LNX2: variants seen among roughly 807,000 people sequenced by gnomAD.
LNX2 encodes the protein ligand of Numb protein X 2.
In LNX2, 35 loss-of-function variants were observed where a neutral mutation model predicts 66.2. The observed-to-expected ratio is 0.53, with a 90% CI of 0.40 to 0.70. LNX2 has a LOEUF of 0.70. Among genes scored for constraint, LNX2 ranks in the 30% least tolerant of loss-of-function variants. LNX2 has a pLI of 0.00. For missense variants in LNX2, 791 were observed against 850.8 expected (o/e 0.93, Z 0.87); for synonymous variants, 337 against 315.6 (o/e 1.07, Z -0.72).
intron 1 of LNX2, among the ~76,000 whole-genome samples, chr13:27,597,243 C>A (rs1429499155): frequency 2.6e-5 from 4 of 152,106 alleles, no homozygotes; most frequent in Non-Finnish European, 5.9e-5. Flanking sequence ...ATAAGTCCTG[C>A]TATGACATAT....
At chr13:27,568,897 T>C in intron 3 of LNX2, 132 bp downstream of exon 3, 3 of 928,658 alleles carry the variant, frequency 3.2e-6, no homozygotes, top group Non-Finnish European at 4.6e-6. Flanking sequence ...TATATCTCAA[T>C]GAAGTTTCTT....
intron 4 of LNX2, among the ~76,000 whole-genome samples, chr13:27,565,236 A>C (rs543239716): frequency 3.0e-4 from 46 of 152,358 alleles, no homozygotes; most frequent in African/African-American, 1.1e-3. Context: ...AATAGAAACA[A>C]GCCCACTGAT....
At chr13:27,581,145 C>T (rs1049524160) in intron 2 of LNX2, 152 bp downstream of exon 2, 7 of 521,500 alleles carry the variant, frequency 1.3e-5, no homozygotes, top group African/African-American at 9.6e-5. Context: ...AAATACTGTT[C>T]CATACAACTT....
intron 1 of LNX2, among the ~76,000 whole-genome samples, chr13:27,590,051 G>A (rs1018382442): frequency 6.6e-6 from 1 of 151,892 alleles, no homozygotes; most frequent in South Asian, 2.1e-4. Flanking sequence ...CCGGGTTCAT[G>A]CCATTCTCCT....
At chr13:27,556,112 G>T in intron 7 of LNX2, 124 bp downstream of exon 7, 3 of 890,298 alleles carry the variant, frequency 3.4e-6, no homozygotes, top group Non-Finnish European at 5.0e-6. Flanking sequence ...CATATGCAAG[G>T]GACAGTTTAA....
intron 1 of LNX2, among the ~76,000 whole-genome samples, chr13:27,595,736 C>A (rs1010710507): frequency 2.0e-5 from 3 of 152,128 alleles, no homozygotes; most frequent in African/African-American, 7.2e-5. Flanking sequence ...TCATCTAAAC[C>A]ATTCAAATCT....
chr13:27,596,486 C>G (rs368655505), intron 1 of LNX2, among the ~76,000 whole-genome samples: 3 of 152,146 alleles, frequency 2.0e-5, no homozygotes, highest in Non-Finnish European at 2.9e-5. Context: ...AGATGGTGAA[C>G]AGGAAAGGAT....
intron 2 of LNX2, among the ~76,000 whole-genome samples, chr13:27,578,094 GTAGGAGA>G (rs1242725556): frequency 6.6e-6 from 1 of 152,130 alleles, no homozygotes; most frequent in Non-Finnish European, 1.5e-5. Flanking sequence ...TATTTTATCT[GTAGGAGA>G]AAAATGTTTG....
In LNX2 at chr13:27,562,396, A is replaced by G. The variant is rs773214600; in HGVS notation, c.1224+17T>C. On this transcript the variant is annotated intron_variant, in intron 5 of 9. Coordinates refer to ENST00000316334, the MANE Select transcript of LNX2 (RefSeq NM_153371.4). ...CATTTCGGCCAAGCCTTTGGAATGA[A>G]GGCCAAGAGGGTTTACCTGAATAAT... The G allele has an allele frequency of 2.5e-6, 4 of 1,593,880 alleles. No individual in the cohort carries two copies. The highest frequency in any genetic ancestry group is 3.6e-5 in the Admixed American group (2 of 56,266).
intron 3 of LNX2, among the ~76,000 whole-genome samples, chr13:27,568,470 A>G (rs539100618): frequency 1.1e-4 from 17 of 152,304 alleles, no homozygotes; most frequent in African/African-American, 2.4e-4. Flanking sequence ...CCAGAGGTGT[A>G]TAACGGTGAG....
intron 1 of LNX2, among the ~76,000 whole-genome samples, chr13:27,618,949 G>A (rs1202918483): frequency 6.6e-6 from 1 of 152,182 alleles, no homozygotes; most frequent in African/African-American, 2.4e-5. Flanking sequence ...ATTACTTCAG[G>A]GTAACTAGTG....
chr13:27,566,845 T>C (rs1297862324), intron 4 of LNX2, among the ~76,000 whole-genome samples: 5 of 152,112 alleles, frequency 3.3e-5, no homozygotes. Flanking sequence ...CTCCTAGAAG[T>C]TATCCGTTTT....
chr13:27,553,728 C>T (rs1025854690), intron 7 of LNX2, among the ~76,000 whole-genome samples: 1 of 152,146 alleles, frequency 6.6e-6, no homozygotes, highest in Non-Finnish European at 1.5e-5. Context: ...CTGAGTTTAG[C>T]TGTGTACAGG....
chr13:27,573,917 T>C (rs1233304609), intron 2 of LNX2, among the ~76,000 whole-genome samples: 1 of 118,536 alleles, frequency 8.4e-6, no homozygotes, highest in Non-Finnish European at 1.7e-5. Flanking sequence ...GTACAGCCCA[T>C]TCACAGGAAA....
At chr13:27,571,816 T>G (rs1405285799) in intron 2 of LNX2, among the ~76,000 whole-genome samples, 3 of 152,160 alleles carry the variant, frequency 2.0e-5, no homozygotes, top group Non-Finnish European at 4.4e-5. Context: ...CTGCAAATAC[T>G]TGGAACTGAA....
chr13:27,581,302 T>C lies in LNX2; in HGVS notation c.402A>G (p.Lys134=). Residue 134 remains lysine, a synonymous_variant, in exon 2 of 10, where the codon AAA becomes AAG. Transcript: ENST00000316334. ...CTTTTATATTTTTTGCTTACCTGTT[T>C]TTGAGATGTGCCTCCAGATCACAAC... ...MQRCDLEAHL[K]NRCPGASHRR... 1 of 1,477,558 alleles carries C rather than the reference T, an allele frequency of 6.8e-7. No individual in the cohort carries two copies. Among genetic ancestry groups the C allele is most frequent in the African/African-American group, 1.4e-5 (1 of 71,220 alleles). 91.5% of individuals were successfully genotyped at this position (1,477,558 alleles called of 1,614,324 possible).
chr13:27,581,407 AGACTT>A lies in LNX2; in HGVS notation c.292_296del (p.Lys98Ter), dbSNP rs1305001819. Reference sequence around the variant, plus strand: ...CTAGGAGTTTATGAACTAGAATACTAGACTTCTTGCACAACTTAAAATGAAGTCTT... The same window carrying A: ...CTAGGAGTTTATGAACTAGAATACTACTTGCACAACTTAAAATGAAGTCTT... On this transcript the variant is annotated frameshift_variant, in exon 2 of 10. Coordinates refer to ENST00000316334, the MANE Select transcript of LNX2 (RefSeq NM_153371.4). LOFTEE classifies it high-confidence loss of function. 12 of 1,606,390 alleles carry A rather than the reference AGACTT, an allele frequency of 7.5e-6. No homozygotes were observed. Among genetic ancestry groups the A allele is most frequent in the Non-Finnish European group, 1.0e-5 (12 of 1,174,466 alleles).
At chr13:27,569,984 A>G (rs1025263657) in intron 2 of LNX2, among the ~76,000 whole-genome samples, 17 of 152,196 alleles carry the variant, frequency 1.1e-4, no homozygotes, top group African/African-American at 4.1e-4. Context: ...GTTTTTACTT[A>G]TTTAAGCAAA....
chr13:27,575,279 GGAGA>G (rs1955330408), intron 2 of LNX2, among the ~76,000 whole-genome samples: 1 of 152,154 alleles, frequency 6.6e-6, no homozygotes. Flanking sequence ...ACACAGGAGG[GGAGA>G]GAGAATGAAA....
Sources: gnomAD v4.1 joint callset for allele counts (sites outside exome capture counted in the v4.1 genomes callset) on GRCh38, gnomAD v4.1.1 for gene constraint, MANE v1.5 for transcripts, NCBI Gene and HGNC (gene_info 2026-07-23, HGNC 2026-07-21) for gene names.